TSPAN18: variants seen among roughly 807,000 people sequenced by gnomAD.
TSPAN18 encodes tetraspanin-18.
A neutral mutation model predicts 27.3 loss-of-function variants in TSPAN18; 14 were observed. That is an observed-to-expected ratio of 0.51 (90% CI 0.34 to 0.80). The LOEUF (loss-of-function observed/expected upper bound fraction) is 0.80. Ranked by LOEUF, TSPAN18 falls within the 30% of genes least tolerant of loss-of-function variation. TSPAN18 has a pLI of 0.01. For missense variants in TSPAN18, 268 were observed against 323.9 expected (o/e 0.83, Z 1.32); for synonymous variants, 143 against 136.5 (o/e 1.05, Z -0.33).
chr11:44,756,810 A>T (rs1352914577), intron 1 of TSPAN18, among the ~76,000 whole-genome samples: 1 of 152,220 alleles, frequency 6.6e-6, no homozygotes, highest in African/African-American at 2.4e-5. Context: ...TTATCCATTC[A>T]TCTGTTGATG....
chr11:44,881,582 G>T (rs909232604), intron 3 of TSPAN18, among the ~76,000 whole-genome samples: 3 of 152,208 alleles, frequency 2.0e-5, no homozygotes, highest in African/African-American at 7.2e-5. Context: ...TTGGAAGGCT[G>T]CAATGAACTG....
At chr11:44,734,885 C>T (rs891040905) in intron 1 of TSPAN18, among the ~76,000 whole-genome samples, 1 of 152,142 alleles carries the variant, frequency 6.6e-6, no homozygotes, top group African/African-American at 2.4e-5. Context: ...TTTAGGGCTC[C>T]CCCAGCAGGG....
intron 3 of TSPAN18, among the ~76,000 whole-genome samples, chr11:44,866,302 C>T (rs1322325877): frequency 1.3e-5 from 2 of 152,330 alleles, no homozygotes; most frequent in South Asian, 2.1e-4. Flanking sequence ...GCTCCCTCCA[C>T]GAATTTGAAA....
chr11:44,763,451 C>T (rs1183820692), intron 1 of TSPAN18, among the ~76,000 whole-genome samples: 9 of 152,126 alleles, frequency 5.9e-5, no homozygotes, highest in Admixed American at 4.6e-4. Context: ...ACTTCTAACC[C>T]CACTGGCATT....
At position 44,752,355 on chromosome 11, in the gene TSPAN18, T is replaced by C. The variant is rs1855230152; in HGVS notation, c.-239-12071T>C. Among the ~76,000 whole-genome samples, 5 of 152,192 alleles carry C rather than the reference T, an allele frequency of 3.3e-5. No individual in the cohort carries two copies. In the South Asian group the frequency reaches 8.3e-4, roughly 25 times the overall value. ...TTTCCTGTCTATAAAGCCCATCCCTTCTATTCAGCTCAGCAGAACAACTTT... is the reference window on the plus strand; with the variant it reads ...TTTCCTGTCTATAAAGCCCATCCCTCCTATTCAGCTCAGCAGAACAACTTT... On this transcript the variant is annotated intron_variant, in intron 1 of 9. Coordinates refer to ENST00000520358, the MANE Select transcript of TSPAN18 (RefSeq NM_130783.5).
intron 8 of TSPAN18, among the ~76,000 whole-genome samples, chr11:44,924,097 T>TGTGTGTGTG (rs1554941244): frequency 5.8e-4 from 85 of 145,874 alleles, no homozygotes; most frequent in African/African-American, 2.1e-3. Flanking sequence ...CCTTCTGGGG[T>TGTGTGTGTG]TGTGTGTGTG....
chr11:44,813,280 T>C (rs915038298), intron 2 of TSPAN18, among the ~76,000 whole-genome samples: 32 of 151,992 alleles, frequency 2.1e-4, no homozygotes, highest in African/African-American at 6.0e-4. Context: ...AAGGAGAGGG[T>C]GTGCTTTGAG....
In TSPAN18 at chr11:44,853,603, A is replaced by G. The variant is rs145020181; in HGVS notation, c.-152-6725A>G. Among the ~76,000 whole-genome samples, 259 of 152,286 alleles carry G rather than the reference A, an allele frequency of 1.7e-3. 1 individual carries two copies. Among genetic ancestry groups the G allele is most frequent in the African/African-American group, 5.8e-3 (241 of 41,558 alleles). ...GGGAAACTGAGGCACAGTTACCTTG[A>G]CAGAGATTACCCAGCCAATAACTGG... On this transcript the variant is annotated intron_variant, in intron 2 of 9. Coordinates refer to ENST00000520358, the MANE Select transcript of TSPAN18 (RefSeq NM_130783.5).
chr11:44,813,072 A>G (rs1468191292), intron 2 of TSPAN18, among the ~76,000 whole-genome samples: 2 of 150,620 alleles, frequency 1.3e-5, no homozygotes, highest in Non-Finnish European at 3.0e-5. Flanking sequence ...CAGCTTCCTC[A>G]CTCTCCCAGG....
Position 44,789,740 on chromosome 11 carries a change from A to T in TSPAN18, c.-153+25228A>T, listed in dbSNP as rs182641991. 3.3e-4 allele frequency among the ~76,000 whole-genome samples: 51 copies of T among 152,304 alleles called. 1 individual carries two copies. Among genetic ancestry groups the T allele is most frequent in the Admixed American group, 6.5e-4 (10 of 15,302 alleles). On this transcript the variant is annotated intron_variant, in intron 2 of 9. Transcript: ENST00000520358. ...AAAAAATACCCCAGATCAGTAGGAAATGACTCTTTATTTTCCTTGACTGTC... is the reference window on the plus strand; with the variant it reads ...AAAAAATACCCCAGATCAGTAGGAATTGACTCTTTATTTTCCTTGACTGTC...
At chr11:44,807,192 TAAAAAAAAAAAAAAAA>T (rs1046665098) in intron 2 of TSPAN18, among the ~76,000 whole-genome samples, 1,036 of 67,022 alleles carry the variant, frequency 0.015, 32 homozygotes, top group African/African-American at 0.077. Flanking sequence ...CCCTGTCTCT[TAAAAAAAAAAAAAAAA>T]AAAAAAAAAA....
intron 2 of TSPAN18, among the ~76,000 whole-genome samples, chr11:44,783,588 G>A (rs1177040424): frequency 6.6e-6 from 1 of 151,928 alleles, no homozygotes; most frequent in Non-Finnish European, 1.5e-5. Flanking sequence ...TAGTAGAGAC[G>A]GGGTTTCACC....
intron 5 of TSPAN18, 140 bp from the exon 6 acceptor site, chr11:44,917,828 ATGTC>A: frequency 1.5e-6 from 1 of 663,128 alleles, no homozygotes; most frequent in Non-Finnish European, 2.6e-6. Context: ...GTTATGAAAA[ATGTC>A]TGATAGCAGT....
rs1035639277 is a variant in TSPAN18, at chr11:44,850,324, G to A, written c.-152-10004G>A. 2.0e-5 allele frequency among the ~76,000 whole-genome samples: 3 copies of A among 152,132 alleles called. 1 individual carries two copies. The South Asian group carries it at 6.2e-4, about 32-fold the overall frequency. On this transcript the variant is annotated intron_variant, in intron 2 of 9. Transcript: ENST00000520358. ...CCTGCCACCATTTGCCAAGAGAACC[G>A]ATGACAATTCCGTGTCCTTGTGTGG...
chr11:44,811,459 G>T (rs2135098366), intron 2 of TSPAN18, among the ~76,000 whole-genome samples: 1 of 77,210 alleles, frequency 1.3e-5, no homozygotes, highest in Admixed American at 2.0e-4. Flanking sequence ...CACATTTTAG[G>T]ATTTTTTTTT....
chr11:44,789,496 A>G (rs917944198), intron 2 of TSPAN18, among the ~76,000 whole-genome samples: 1 of 152,214 alleles, frequency 6.6e-6, no homozygotes, highest in African/African-American at 2.4e-5. Context: ...ACAAAGGCCT[A>G]TCTTGAAGGG....
rs543899337 is a variant in TSPAN18, at chr11:44,780,059, C to T, written c.-153+15547C>T. Among the ~76,000 whole-genome samples, 7 of 152,292 alleles carry T rather than the reference C, an allele frequency of 4.6e-5. 1 individual carries two copies. In the Middle Eastern group the frequency reaches 0.01, roughly 222 times the overall value. ...TGTACACATTTACACATGCACACACCCATTTGTGCAAACGTCTTCACACAC... is the reference window on the plus strand; with the variant it reads ...TGTACACATTTACACATGCACACACTCATTTGTGCAAACGTCTTCACACAC... On this transcript the variant is annotated intron_variant, in intron 2 of 9. Transcript: ENST00000520358.
intron 5 of TSPAN18, among the ~76,000 whole-genome samples, chr11:44,913,860 G>T (rs1348598341): frequency 3.9e-5 from 6 of 152,264 alleles, no homozygotes; most frequent in Admixed American, 2.6e-4. Context: ...TTGATGAGGG[G>T]AAGCCCCAGG....
At chr11:44,878,615 CAGGGTTCACCCTGTGCATCCTAAT>C (rs1858406212) in intron 3 of TSPAN18, among the ~76,000 whole-genome samples, 2 of 152,196 alleles carry the variant, frequency 1.3e-5, no homozygotes, top group African/African-American at 4.8e-5. Context: ...TACAAAGTCT[CAGGGTTCACCCTGTGCATCCTAAT>C]AGAACATTAA....
Sources: allele counts gnomAD v4.1 joint callset (sites outside exome capture counted in the v4.1 genomes callset), GRCh38; gene constraint gnomAD v4.1.1; transcripts MANE v1.5; gene names NCBI Gene and HGNC (gene_info 2026-07-23, HGNC 2026-07-21).